Variants in ZNF215 observed in about 807,000 individuals in gnomAD.
ZNF215 encodes the protein BWSCR2-associated zinc finger protein 2.
ZNF215 carries 24 observed loss-of-function variants against 27.2 expected under a neutral mutation model. The observed-to-expected ratio is 0.88, with a 90% confidence interval of 0.64 to 1.24. ZNF215 has a LOEUF of 1.24. Ranked by LOEUF, ZNF215 falls within the 50% of genes most tolerant of loss-of-function variation. The pLI, the probability that ZNF215 is intolerant of heterozygous loss-of-function variation, is 0.00. For missense variants in ZNF215, 675 were observed against 605.7 expected (o/e 1.11, Z -1.20); for synonymous variants, 210 against 204.0 (o/e 1.03, Z -0.25).
At chr11:6,945,823 T>C (rs1380084681) in intron 6 of ZNF215, among the ~76,000 whole-genome samples, 1 of 152,212 alleles carries the variant, frequency 6.6e-6, no homozygotes, top group East Asian at 1.9e-4. Context: ...CATCCACAAC[T>C]AAAACTTAAA....
downstream of ZNF215, among the ~76,000 whole-genome samples, chr11:6,993,731 A>G (rs551731174): frequency 6.6e-5 from 10 of 152,250 alleles, no homozygotes; most frequent in African/African-American, 2.4e-4. Context: ...TTTTATATAC[A>G]GTTTAACCTC....
chr11:6,994,231 G>A (rs564464546), intron 6 of ZNF215, among the ~76,000 whole-genome samples: 1 of 150,242 alleles, frequency 6.7e-6, no homozygotes, highest in Non-Finnish European at 1.5e-5. Flanking sequence ...TACTAATATC[G>A]CATATTAAAG....
rs574140714 is a variant in ZNF215 at position 6,953,487 on chromosome 11, A to G, written c.713-2203A>G. ...TTTCTTGCTTCATTTCATTCATTTC[A>G]TCTTCCATCACTGATACCCTTTCTT... On this transcript the variant is annotated intron_variant, in intron 6 of 6. Coordinates refer to ENST00000278319, the MANE Select transcript of ZNF215 (RefSeq NM_013250.4). Among the ~76,000 whole-genome samples, 5 of 151,968 alleles carry G rather than the reference A, an allele frequency of 3.3e-5. No homozygotes were observed. The South Asian group carries it at 8.3e-4, about 25-fold the overall frequency.
At chr11:6,940,891 A>C (rs1202569657) in intron 3 of ZNF215, among the ~76,000 whole-genome samples, 1 of 152,200 alleles carries the variant, frequency 6.6e-6, no homozygotes, top group East Asian at 1.9e-4. Flanking sequence ...GTTTTAACAA[A>C]CTTACTACAT....
intron 6 of ZNF215, among the ~76,000 whole-genome samples, chr11:6,944,151 C>T (rs1654912211): frequency 1.3e-5 from 2 of 152,126 alleles, no homozygotes; most frequent in South Asian, 4.1e-4. Context: ...TGGCGGGCGC[C>T]TGTAGTCCCA....
intron 2 of ZNF215, among the ~76,000 whole-genome samples, 174 bp downstream of exon 2, chr11:6,927,981 A>C (rs1044843315): frequency 6.6e-6 from 1 of 152,156 alleles, no homozygotes; most frequent in Non-Finnish European, 1.5e-5. Context: ...TTTGACGTAC[A>C]ATGTTTTTAC....
At chr11:6,994,201 T>TATATG (rs71056777) in intron 6 of ZNF215, among the ~76,000 whole-genome samples, 143,134 of 149,058 alleles carry the variant, frequency 0.96, 68,941 homozygotes, top group East Asian at 1. Flanking sequence ...TTTTATATAT[T>TATATG]ATATATTAAT....
chr11:6,982,276 A>T (rs1452553810), intron 5 of ZNF215, among the ~76,000 whole-genome samples: 3 of 152,054 alleles, frequency 2.0e-5, no homozygotes, highest in African/African-American at 7.2e-5. Flanking sequence ...AGTGACCTAC[A>T]AAGAGACTTA....
chr11:6,956,598 C>A lies in ZNF215; in HGVS notation c.*67C>A. ...ACTCATTTAACATCATGAATTTATG[C>A]TGGATAAAATCTCATGAATATAATG... is the stretch of plus-strand genomic sequence containing the variant. On this transcript the variant is annotated 3_prime_UTR_variant, in exon 7 of 7. Coordinates refer to ENST00000278319, the MANE Select transcript of ZNF215 (RefSeq NM_013250.4). The A allele has an allele frequency of 2.0e-6, 3 of 1,477,126 alleles. No homozygotes were observed. Among genetic ancestry groups the A allele is most frequent in the Non-Finnish European group, 2.7e-6 (3 of 1,121,422 alleles). 91.5% of individuals were successfully genotyped at this position (1,477,126 alleles called of 1,614,324 possible). A position where few individuals can be genotyped will look rare whatever the true frequency, so the allele number is the denominator to read the frequency against.
Position 6,956,716 on chromosome 11 carries a change from T to G in ZNF215, c.*185T>G. ...TGGATAGAAATCTGTTTGAAGGAAT[T>G]TTCCTGGTTTTCAGATGAAGCCATA... On this transcript the variant is annotated 3_prime_UTR_variant, in exon 7 of 7. Coordinates refer to ENST00000278319, the MANE Select transcript of ZNF215 (RefSeq NM_013250.4). 1 of 1,379,948 alleles carries G rather than the reference T, an allele frequency of 7.2e-7. No homozygotes were observed. Among genetic ancestry groups the G allele is most frequent in the Non-Finnish European group, 9.3e-7 (1 of 1,074,424 alleles). The allele number at this position is 1,379,948 out of a possible 1,614,324, so 85.5% of individuals were successfully genotyped here.
intron 5 of ZNF215, among the ~76,000 whole-genome samples, chr11:6,964,358 T>C (rs1417610243): frequency 6.6e-6 from 1 of 152,100 alleles, no homozygotes; most frequent in Non-Finnish European, 1.5e-5. Flanking sequence ...CTAAAATATT[T>C]CTCCTGTTTT....
intron 5 of ZNF215, among the ~76,000 whole-genome samples, chr11:6,975,608 T>C (rs542166980): frequency 1.3e-5 from 2 of 152,230 alleles, no homozygotes; most frequent in African/African-American, 4.8e-5. Flanking sequence ...CACAAATAAG[T>C]GGGAACATGT....
intron 3 of ZNF215, among the ~76,000 whole-genome samples, chr11:6,934,122 C>G (rs1000735559): frequency 7.2e-5 from 11 of 152,042 alleles, no homozygotes; most frequent in African/African-American, 2.7e-4. Flanking sequence ...TAAAAATTTT[C>G]TTAATGAGCA....
chr11:6,952,175 AGGTGT>A (rs1850098132), intron 6 of ZNF215, among the ~76,000 whole-genome samples: 2 of 152,176 alleles, frequency 1.3e-5, no homozygotes, highest in Admixed American at 6.5e-5. Flanking sequence ...GTTTTGGAAT[AGGTGT>A]GGTGTGGTGC....
In ZNF215 at chr11:6,957,198, T is replaced by G. The variant is rs1415220848; in HGVS notation, c.*667T>G. 1.0e-6 allele frequency: 1 copy of G among 984,560 alleles called. No individual in the cohort carries two copies. Among genetic ancestry groups the G allele is most frequent in the Non-Finnish European group, 1.2e-6 (1 of 829,214 alleles). 61.0% of individuals were successfully genotyped at this position (984,560 alleles called of 1,614,324 possible). On this transcript the variant is annotated 3_prime_UTR_variant, in exon 7 of 7. Coordinates refer to ENST00000278319, the MANE Select transcript of ZNF215 (RefSeq NM_013250.4). ...TTATAGCAGGTCCTTGAAAAATGTTTTTGTTTTGTTATAATGTTATAATTG... is the reference window on the plus strand; with the variant it reads ...TTATAGCAGGTCCTTGAAAAATGTTGTTGTTTTGTTATAATGTTATAATTG...
At chr11:6,950,905 C>A (rs369267708) in intron 6 of ZNF215, among the ~76,000 whole-genome samples, 1 of 151,330 alleles carries the variant, frequency 6.6e-6, no homozygotes, top group Non-Finnish European at 1.5e-5. Context: ...GAGATACGTC[C>A]CATCAATACC....
At chr11:6,953,505 C>T (rs1326339637) in intron 6 of ZNF215, among the ~76,000 whole-genome samples, 1 of 152,114 alleles carries the variant, frequency 6.6e-6, no homozygotes, top group East Asian at 1.9e-4. Flanking sequence ...TCACTGATAC[C>T]CTTTCTTCCA....
chr11:6,972,955 G>A (rs140474366), intron 5 of ZNF215, among the ~76,000 whole-genome samples: 187 of 151,818 alleles, frequency 1.2e-3, no homozygotes, highest in African/African-American at 4.4e-3. Flanking sequence ...TGTGCAAAAC[G>A]TGCAGGTTTG....
At chr11:6,945,072 T>C (rs951157739) in intron 6 of ZNF215, among the ~76,000 whole-genome samples, 2 of 152,206 alleles carry the variant, frequency 1.3e-5, no homozygotes. Context: ...TACATTATGC[T>C]AAATTGTCTA....
Sources: allele counts gnomAD v4.1 joint callset (sites outside exome capture counted in the v4.1 genomes callset), GRCh38; gene constraint gnomAD v4.1.1; transcripts MANE v1.5; gene names NCBI Gene and HGNC (gene_info 2026-07-23, HGNC 2026-07-21).